NSUN5: variants seen among roughly 807,000 people sequenced by gnomAD.
NSUN5 encodes the protein 28S rRNA (cytosine-C(5))-methyltransferase.
NSUN5 carries 39 observed loss-of-function variants against 51.1 expected under a neutral mutation model. The observed-to-expected ratio is 0.76, with a 90% CI of 0.59 to 1.00. The LOEUF (loss-of-function observed/expected upper bound fraction) is 1.00, where lower values mean the gene tolerates loss of function less well. NSUN5 is among the 50% of genes least tolerant of loss of function. The pLI is 0.00. For synonymous variants in NSUN5, 266 were observed against 271.5 expected (o/e 0.98, Z 0.20); for missense variants, 526 against 614.0 (o/e 0.86, Z 1.51).
rs373465438 is a variant in NSUN5, at chr7:73,307,453, G to A, written c.441C>T (p.Ser147=). Residue 147 remains serine (S), a synonymous_variant, in exon 4 of 10, where the codon TCC becomes TCT. Coordinates refer to ENST00000438747, the MANE Select transcript of NSUN5 (RefSeq NM_148956.4). The stretch of plus-strand genomic sequence containing the variant: ...TCTTGAAATAATCAACTACATCATC[G>A]GAGCAGGTCTTGAGAGTGTTCACAC... ...FVRVNTLKTC[S]DDVVDYFKRQ... The A allele has an allele frequency of 4.3e-5, 70 of 1,613,986 alleles. No homozygotes were observed. The highest frequency in any genetic ancestry group is 1.2e-4 in the South Asian group (11 of 91,072).
rs1320606932 is a variant in NSUN5, at chr7:73,308,627, A to T, written c.93+71T>A. 6 of 974,084 alleles carry T rather than the reference A, an allele frequency of 6.2e-6. No individual in the cohort carries two copies. In the Admixed American group the frequency reaches 1.6e-4, roughly 25 times the overall value. 60.3% of individuals were successfully genotyped at this position (974,084 alleles called of 1,614,324 possible). A position where few individuals can be genotyped will look rare whatever the true frequency, so the allele number is the denominator to read the frequency against. ...TCGCCGGGCCCCACCTCCCGACCCC[A>T]CCCGGGCCCGTCCGACCCCACCCCG... On this transcript the variant is annotated intron_variant, in intron 1 of 9. Coordinates refer to ENST00000438747, the MANE Select transcript of NSUN5 (RefSeq NM_148956.4).
rs1443426868 is a variant in NSUN5 at position 73,308,464 on chromosome 7, A to C, written c.183T>G (p.Arg61=). The C allele has an allele frequency of 6.2e-7, 1 of 1,606,756 alleles. No individual in the cohort carries two copies. The highest frequency in any genetic ancestry group is 8.5e-7 in the Non-Finnish European group (1 of 1,176,040). Residue 61 remains arginine, a synonymous_variant, in exon 2 of 10, where the codon CGT becomes CGG. Coordinates refer to ENST00000438747, the MANE Select transcript of NSUN5 (RefSeq NM_148956.4). ...DAVIASAGLL[R]AEKKLRPHLA... Reference sequence around the variant, plus strand: ...GGTGCGGCCGCAGCTTCTTCTCCGCACGGAGGAGGCCGGCGCTGGCGATCA... The same window carrying C: ...GGTGCGGCCGCAGCTTCTTCTCCGCCCGGAGGAGGCCGGCGCTGGCGATCA...
chr7:73,306,717 T>C (rs1804055122), intron 4 of NSUN5, among the ~76,000 whole-genome samples: 1 of 152,060 alleles, frequency 6.6e-6, no homozygotes, highest in Non-Finnish European at 1.5e-5. Context: ...TCATCTCTAC[T>C]GCAAATACAA....
Position 73,303,391 on chromosome 7 carries a change from G to A in NSUN5, c.*24C>T, listed in dbSNP as rs1554540996. The A allele has an allele frequency of 2.5e-6, 4 of 1,614,064 alleles. No individual in the cohort carries two copies. Among genetic ancestry groups the A allele is most frequent in the Non-Finnish European group, 3.4e-6 (4 of 1,179,950 alleles). On this transcript the variant is annotated 3_prime_UTR_variant, in exon 10 of 10. Transcript: ENST00000438747. ...GACAGGCATCTTCCTTTCCCACCAG[G>A]AAGGAGTCAGCCCGGAGCCTCTGCT...
rs377011651 is a variant in NSUN5, at chr7:73,303,911, G to C, written c.1060C>G (p.Leu354Val). The change falls in exon 8 of 10, where the codon CTC becomes GTC. Residue 354 changes from leucine to valine, a missense_variant. Physicochemically the swap from Leu to Val is conservative, Grantham distance 32. Coordinates refer to ENST00000438747, the MANE Select transcript of NSUN5 (RefSeq NM_148956.4). ...HALTFPSLQR[L>V]VYSTCSLCQE... Reference sequence around the variant, plus strand: ...CAGAGGGAGCACGTGGAGTAGACGAGCCGCTGCAGGGAAGGGAAAGTGAGT... The same window carrying C: ...CAGAGGGAGCACGTGGAGTAGACGACCCGCTGCAGGGAAGGGAAAGTGAGT... 1.9e-6 allele frequency: 3 copies of C among 1,613,888 alleles called. No individual in the cohort carries two copies. Among genetic ancestry groups the C allele is most frequent in the Admixed American group, 3.3e-5 (2 of 59,996 alleles).
intron 2 of NSUN5, chr7:73,308,205 CA>C (rs1166410737): frequency 5.2e-6 from 3 of 581,578 alleles, no homozygotes; most frequent in Non-Finnish European, 8.6e-6. Context: ...GACTTCCTTA[CA>C]GTCTCCGCCA....
At chr7:73,308,290 C>A in intron 2 of NSUN5, 141 bp downstream of exon 2, 1 of 1,044,284 alleles carries the variant, frequency 9.6e-7, no homozygotes, top group Non-Finnish European at 1.4e-6. Context: ...CATCTTAATT[C>A]GTAACCCAGG....
chr7:73,308,718 C>G lies in NSUN5; in HGVS notation c.73G>C (p.Val25Leu). 1 of 1,612,034 alleles carries G rather than the reference C, an allele frequency of 6.2e-7. No homozygotes were observed. The highest frequency in any genetic ancestry group is 8.5e-7 in the Non-Finnish European group (1 of 1,179,704). ...ESRQGSIKGLVYSSNFQNVKQ... is the reference protein window; with the variant it reads ...ESRQGSIKGLLYSSNFQNVKQ... ...GCTACCTGGAAGTTGCTGGAGTACA[C>G]CAACCCCTTGATAGAGCCCTGGCGG... The change falls in exon 1 of 10, where the codon GTG becomes CTG. Residue 25 changes from valine to leucine, a missense_variant. Val to Leu is a conservative substitution (Grantham distance 32). Coordinates refer to ENST00000438747, the MANE Select transcript of NSUN5 (RefSeq NM_148956.4).
At chr7:73,304,084 T>A in intron 7 of NSUN5, 48 bp from the exon 8 acceptor site, 1 of 1,597,972 alleles carries the variant, frequency 6.3e-7, no homozygotes, top group Non-Finnish European at 8.6e-7. Flanking sequence ...GCTACCTCAG[T>A]CCTGAAATCC....
Position 73,303,265 on chromosome 7 carries a change from CTT to C in NSUN5, c.*148_*149del. On this transcript the variant is annotated 3_prime_UTR_variant, in exon 10 of 10. Transcript: ENST00000438747. ...CTGCATTTTATTTTTGCAGGCAACA[CTT>C]TGCTCACCAGCAAGAACACAGCCCA... is the stretch of plus-strand genomic sequence containing the variant. 1 of 1,605,252 alleles carries C rather than the reference CTT, an allele frequency of 6.2e-7. No individual in the cohort carries two copies. Among genetic ancestry groups the C allele is most frequent in the Non-Finnish European group, 8.5e-7 (1 of 1,174,052 alleles).
At position 73,302,722 on chromosome 7, in the gene NSUN5, A is replaced by G. The variant is rs1803853933; in HGVS notation, c.*693T>C. ...GACTAGAGCTCCTTCTGGCCATGTT[A>G]TATGAAATGTAATTCTTATTTTATA... On this transcript the variant is annotated 3_prime_UTR_variant, in exon 10 of 10. Coordinates refer to ENST00000438747, the MANE Select transcript of NSUN5 (RefSeq NM_148956.4). The G allele has an allele frequency of 1.1e-6, 1 of 907,866 alleles. No homozygotes were observed. Among genetic ancestry groups the G allele is most frequent in the Non-Finnish European group, 1.3e-6 (1 of 760,318 alleles). 56.2% of individuals were successfully genotyped at this position (907,866 alleles called of 1,614,324 possible). A position where few individuals can be genotyped will look rare whatever the true frequency, so the allele number is the denominator to read the frequency against.
rs2695360 is a variant in NSUN5, at chr7:73,305,389, T to C, written c.501-292A>G. 1.8e-4 allele frequency among the ~76,000 whole-genome samples: 28 copies of C among 152,170 alleles called. No individual in the cohort carries two copies. In the South Asian group the frequency reaches 5.8e-3, roughly 32 times the overall value. On this transcript the variant is annotated intron_variant, in intron 4 of 9. Coordinates refer to ENST00000438747, the MANE Select transcript of NSUN5 (RefSeq NM_148956.4). ...GTGGGGATTCAATGAGCCAATATAT[T>C]CAAGATACTTATTTGGCACAAATTA... is the stretch of plus-strand genomic sequence containing the variant.
rs781953960 is a variant in NSUN5 at position 73,303,731 on chromosome 7, G to A, written c.1155C>T (p.Pro385=). 21 of 1,613,900 alleles carry A rather than the reference G, an allele frequency of 1.3e-5. No individual in the cohort carries two copies. Among genetic ancestry groups the A allele is most frequent in the African/African-American group, 6.7e-5 (5 of 74,934 alleles). The change falls in exon 9 of 10, where the codon CCC becomes CCT. Residue 385 remains proline (P), a synonymous_variant. Coordinates refer to ENST00000438747, the MANE Select transcript of NSUN5 (RefSeq NM_148956.4). ...QQNPGAFRLA[P]ALPAWPHRGL... The stretch of plus-strand genomic sequence containing the variant: ...CTCGGTGGGGCCAGGCAGGCAGGGC[G>A]GGAGCTAGCCTGCAAGAGAAACGGC...
chr7:73,303,092 T>C lies in NSUN5; in HGVS notation c.*323A>G, dbSNP rs572742408. The C allele has an allele frequency of 7.1e-7, 1 of 1,412,742 alleles. No homozygotes were observed. Among genetic ancestry groups the C allele is most frequent in the Admixed American group, 2.9e-5 (1 of 34,094 alleles). 87.5% of individuals were successfully genotyped at this position (1,412,742 alleles called of 1,614,324 possible). On this transcript the variant is annotated 3_prime_UTR_variant, in exon 10 of 10. Coordinates refer to ENST00000438747, the MANE Select transcript of NSUN5 (RefSeq NM_148956.4). ...GTGTGGATGTGTACAGTACACGCAC[T>C]GGACGGCAGCGGGAGGCTGGGACTT...
intron 2 of NSUN5, 154 bp downstream of exon 2, chr7:73,308,277 T>A: frequency 2.2e-6 from 2 of 923,486 alleles, no homozygotes; most frequent in Non-Finnish European, 3.2e-6. Context: ...AGCATTTTCA[T>A]CCCATCTTAA....
chr7:73,304,923 C>G, intron 5 of NSUN5, 36 bp downstream of exon 5: 1 of 1,612,756 alleles, frequency 6.2e-7, no homozygotes, highest in South Asian at 1.1e-5. Flanking sequence ...CTTCCCGTGC[C>G]TACACATTCT....
chr7:73,305,525 C>T (rs1442179170), intron 4 of NSUN5, among the ~76,000 whole-genome samples: 6 of 140,172 alleles, frequency 4.3e-5, no homozygotes, highest in Non-Finnish European at 7.5e-5. Context: ...AGTGCAGTGG[C>T]GCGATCTCGG....
chr7:73,304,514 C>T, intron 6 of NSUN5, 106 bp from the exon 7 acceptor site: 1 of 1,180,454 alleles, frequency 8.5e-7, no homozygotes, highest in South Asian at 1.5e-5. Context: ...TTGAAACGGC[C>T]TACGTTTAAA....
Position 73,307,637 on chromosome 7 carries a change from G to T in NSUN5, c.337C>A (p.Arg113=), listed in dbSNP as rs781934018. Residue 113 remains arginine, a synonymous_variant, in exon 3 of 10, where the codon CGG becomes AGG. Coordinates refer to ENST00000438747, the MANE Select transcript of NSUN5 (RefSeq NM_148956.4). The stretch of plus-strand genomic sequence containing the variant: ...AGGTCCTCATTCCGGCTCACACCCC[G>T]ATGAACCTTGAGCCGAGCCAACTCA... ...KAELARLKVH[R]GVSRNEDLLE... 1.5e-5 allele frequency: 23 copies of T among 1,526,676 alleles called. No individual in the cohort carries two copies. Among genetic ancestry groups the T allele is most frequent in the South Asian group, 1.3e-4 (12 of 89,506 alleles). The allele number at this position is 1,526,676 out of a possible 1,614,324, so 94.6% of individuals were successfully genotyped here.
Sources: allele counts gnomAD v4.1 joint callset (sites outside exome capture counted in the v4.1 genomes callset), GRCh38; gene constraint gnomAD v4.1.1; transcripts MANE v1.5; gene names NCBI Gene and HGNC (gene_info 2026-07-23, HGNC 2026-07-21).